CCN4: variants seen among roughly 807,000 people sequenced by gnomAD.
CCN4 encodes cellular communication network factor 4, also known as CCN family member 4.
A neutral mutation model predicts 36.7 loss-of-function variants in CCN4; 30 were observed. The ratio of observed to expected loss-of-function variants is 0.82; its 90% CI spans 0.61 to 1.11. The LOEUF is 1.11. Among genes scored for constraint, CCN4 ranks in the 50% least tolerant of loss-of-function variants. The probability of loss-of-function intolerance (pLI) is 0.00; values close to 1 mark genes in which losing one functional copy is unlikely to be tolerated. For synonymous variants in CCN4, 191 were observed against 195.4 expected (o/e 0.98, Z 0.19); for missense variants, 505 against 504.9 (o/e 1.00, Z 0.00).
chr8:133,205,443 T>C (rs1853736645), intron 1 of CCN4, among the ~76,000 whole-genome samples: 1 of 152,234 alleles, frequency 6.6e-6, no homozygotes, highest in South Asian at 2.1e-4. Flanking sequence ...TTTCTCCTTT[T>C]TGCCTTCTTG....
intron 1 of CCN4, among the ~76,000 whole-genome samples, chr8:133,208,945 C>T (rs1347913737): frequency 2.0e-5 from 3 of 152,258 alleles, no homozygotes; most frequent in African/African-American, 7.2e-5. Flanking sequence ...ATTGTTATAG[C>T]ATTGATTGCA....
At chr8:133,200,459 G>T (rs539973496) in intron 1 of CCN4, among the ~76,000 whole-genome samples, 3 of 152,284 alleles carry the variant, frequency 2.0e-5, no homozygotes, top group East Asian at 1.9e-4. Flanking sequence ...GTCTGTGTTC[G>T]CTGTGGCTCC....
chr8:133,226,377 C>T (rs1854735916), intron 4 of CCN4, among the ~76,000 whole-genome samples: 1 of 152,224 alleles, frequency 6.6e-6, no homozygotes, highest in African/African-American at 2.4e-5. Flanking sequence ...CTTCAGACAT[C>T]CAACATCACT....
intron 2 of CCN4, among the ~76,000 whole-genome samples, chr8:133,214,689 C>T (rs1345986220): frequency 6.6e-6 from 1 of 152,134 alleles, no homozygotes; most frequent in Non-Finnish European, 1.5e-5. Flanking sequence ...TATGACTCAT[C>T]AGATTAAGAG....
At chr8:133,222,434 CG>C (rs1339347372) in intron 3 of CCN4, among the ~76,000 whole-genome samples, 1 of 151,954 alleles carries the variant, frequency 6.6e-6, no homozygotes, top group Non-Finnish European at 1.5e-5. Flanking sequence ...GCCCTGCCCA[CG>C]GGATCTTAAG....
intron 1 of CCN4, among the ~76,000 whole-genome samples, chr8:133,193,983 A>G (rs964284022): frequency 6.6e-6 from 1 of 152,100 alleles, no homozygotes; most frequent in Admixed American, 6.5e-5. Flanking sequence ...CTCAGACCTC[A>G]CTTTCCTCGT....
rs33983896 is a variant in CCN4 at position 133,207,994 on chromosome 8, G to GTT, written c.70-4857_70-4856dup. ...ATGGTGCACTCACTACCTTTCAGCTGTTTTTTTTTTTTTTCATCAGAAAAT... is the reference window on the plus strand; with the variant it reads ...ATGGTGCACTCACTACCTTTCAGCTGTTTTTTTTTTTTTTTTCATCAGAAAAT... On this transcript the variant is annotated intron_variant, in intron 1 of 4. Coordinates refer to ENST00000250160, the MANE Select transcript of CCN4 (RefSeq NM_003882.4). Among the ~76,000 whole-genome samples, 270 of 141,674 alleles carry GTT rather than the reference G, an allele frequency of 1.9e-3. 1 individual carries two copies. Among genetic ancestry groups the GTT allele is most frequent in the African/African-American group, 6.7e-3 (257 of 38,182 alleles). The allele number at this position is 141,674 out of a possible 152,430, so 92.9% of individuals were successfully genotyped here.
chr8:133,229,784 TAA>T lies in CCN4; in HGVS notation c.*2075_*2076del. On this transcript the variant is annotated 3_prime_UTR_variant, in exon 5 of 5. Coordinates refer to ENST00000250160, the MANE Select transcript of CCN4 (RefSeq NM_003882.4). ...AATTTTAACAGTCAAAATTTTATATTAAGTGCCTTAGCAAAAGAGACATTTAA... is the reference window on the plus strand; with the variant it reads ...AATTTTAACAGTCAAAATTTTATATTGTGCCTTAGCAAAAGAGACATTTAA... 6.6e-6 allele frequency: 1 copy of T among 152,262 alleles called. No homozygotes were observed. Among genetic ancestry groups the T allele is most frequent in the East Asian group, 1.9e-4 (1 of 5,206 alleles). The allele number at this position is 152,262 out of a possible 1,614,324, so 9.4% of individuals were successfully genotyped here. A position where few individuals can be genotyped will look rare whatever the true frequency, so the allele number is the denominator to read the frequency against.
chr8:133,212,572 G>C (rs924195820), intron 1 of CCN4, among the ~76,000 whole-genome samples: 3 of 152,042 alleles, frequency 2.0e-5, no homozygotes, highest in Non-Finnish European at 4.4e-5. Context: ...GGGCTGCAGC[G>C]ACAATCACTC....
chr8:133,211,579 C>G (rs901999074), intron 1 of CCN4, among the ~76,000 whole-genome samples: 1 of 152,172 alleles, frequency 6.6e-6, no homozygotes, highest in African/African-American at 2.4e-5. Flanking sequence ...AGCTCAGCAC[C>G]GGAGCCTGGT....
At position 133,212,863 on chromosome 8, in the gene CCN4, G is replaced by C; in HGVS notation, c.70-1G>C. ...CCTTTCCCTCTGCCCTCCCCCCGCA[G>C]GCCCTCTCTCCAGCCCCTACGACCA... On this transcript the variant is annotated splice_acceptor_variant, in intron 1 of 4. Coordinates refer to ENST00000250160, the MANE Select transcript of CCN4 (RefSeq NM_003882.4). LOFTEE classifies it high-confidence loss of function. The C allele has an allele frequency of 2.6e-6, 4 of 1,563,112 alleles. No homozygotes were observed. The highest frequency in any genetic ancestry group is 3.5e-6 in the Non-Finnish European group (4 of 1,145,258).
intron 1 of CCN4, among the ~76,000 whole-genome samples, chr8:133,208,354 G>A (rs1188425968): frequency 6.6e-6 from 1 of 152,168 alleles, no homozygotes; most frequent in Non-Finnish European, 1.5e-5. Flanking sequence ...GGAGAAGACA[G>A]GCTCAGAAAG....
At chr8:133,210,414 TGTGTGTG>T (rs1014489441) in intron 1 of CCN4, among the ~76,000 whole-genome samples, 79 of 131,656 alleles carry the variant, frequency 6.0e-4, no homozygotes, top group African/African-American at 1.9e-3. Flanking sequence ...TGTGTGTGTG[TGTGTGTG>T]TTTACTGATT....
At chr8:133,213,368 C>T (rs16904850) in intron 2 of CCN4, among the ~76,000 whole-genome samples, 8,042 of 152,192 alleles carry the variant, frequency 0.053, 421 homozygotes, top group African/African-American at 0.14. Context: ...GCTTTATTCT[C>T]AGTCCTGGAG....
chr8:133,220,494 A>G (rs1158158799), intron 2 of CCN4, 87 bp from the exon 3 acceptor site: 17 of 1,545,716 alleles, frequency 1.1e-5, no homozygotes, highest in African/African-American at 6.8e-5. Flanking sequence ...GGATTGGGGC[A>G]TGGTCCACAT....
chr8:133,210,029 G>A (rs1292916858), intron 1 of CCN4, among the ~76,000 whole-genome samples: 1 of 152,142 alleles, frequency 6.6e-6, no homozygotes, highest in Non-Finnish European at 1.5e-5. Context: ...CAGAGGAGAG[G>A]TTCCAGTACA....
intron 1 of CCN4, among the ~76,000 whole-genome samples, chr8:133,191,879 G>GTCTCTCTCTCTTCCACCT (rs1372614678): frequency 6.6e-6 from 1 of 152,078 alleles, no homozygotes; most frequent in African/African-American, 2.4e-5. Context: ...GGGTGATGTG[G>GTCTCTCTCTCTTCCACCT]GCACCCCAGA....
chr8:133,213,210 T>TC (rs1854131483), intron 2 of CCN4, 67 bp downstream of exon 2: 2 of 1,529,938 alleles, frequency 1.3e-6, no homozygotes. Context: ...CAAACCCCTC[T>TC]CCCTTGGCAC....
At chr8:133,204,903 T>C (rs1853713206) in intron 1 of CCN4, among the ~76,000 whole-genome samples, 1 of 152,226 alleles carries the variant, frequency 6.6e-6, no homozygotes, top group African/African-American at 2.4e-5. Flanking sequence ...TTCTGAAACT[T>C]TGGGGCATTC....
Sources: gnomAD v4.1 joint callset for allele counts (sites outside exome capture counted in the v4.1 genomes callset) on GRCh38, gnomAD v4.1.1 for gene constraint, MANE v1.5 for transcripts, NCBI Gene and HGNC (gene_info 2026-07-23, HGNC 2026-07-21) for gene names.